The following PIAS4 variants were observed in gnomAD, a reference collection of about 807,000 sequenced individuals.
PIAS4 encodes the protein E3 SUMO-protein ligase PIAS4.
Under a neutral mutation model 58.0 loss-of-function variants are expected in PIAS4, and 7 were observed. That is an observed-to-expected ratio of 0.12 (90% confidence interval 0.07 to 0.23). The LOEUF (loss-of-function observed/expected upper bound fraction) is 0.23, where lower values mean the gene tolerates loss of function less well. PIAS4 is among the 10% of genes least tolerant of loss of function. The pLI is 1.00. For synonymous variants in PIAS4, 364 were observed against 312.4 expected (o/e 1.17, Z -1.74); for missense variants, 550 against 709.5 (o/e 0.78, Z 2.55).
rs746757730 is a variant in PIAS4 at position 4,028,639 on chromosome 19, G to A, written c.672+39G>A. 4 of 1,608,326 alleles carry A rather than the reference G, an allele frequency of 2.5e-6. No individual in the cohort carries two copies. The African/African-American group carries it at 5.3e-5, about 22-fold the overall frequency. On this transcript the variant is annotated intron_variant, in intron 5 of 10. Coordinates refer to ENST00000262971, the MANE Select transcript of PIAS4 (RefSeq NM_015897.4). ...GCCCCCGCGTCGGCTGCACGGGTTTGGGGGGCGTGGAGGGAGGGTGGGGGC... is the reference window on the plus strand; with the variant it reads ...GCCCCCGCGTCGGCTGCACGGGTTTAGGGGGCGTGGAGGGAGGGTGGGGGC...
intron 3 of PIAS4, among the ~76,000 whole-genome samples, chr19:4,026,546 G>A (rs1036530760): frequency 7.1e-6 from 1 of 140,930 alleles, no homozygotes; most frequent in Non-Finnish European, 1.5e-5. Flanking sequence ...TCCCACCACT[G>A]CCTAGTCTCA....
At chr19:4,026,767 C>G (rs1267061472) in intron 3 of PIAS4, among the ~76,000 whole-genome samples, 1 of 152,166 alleles carries the variant, frequency 6.6e-6, no homozygotes, top group Non-Finnish European at 1.5e-5. Flanking sequence ...ACTGCAATCT[C>G]CGCCTCCCAG....
intron 7 of PIAS4, among the ~76,000 whole-genome samples, chr19:4,030,310 G>A (rs1040532316): frequency 3.5e-5 from 5 of 143,798 alleles, no homozygotes; most frequent in South Asian, 2.3e-4. Flanking sequence ...TAAGTGACAC[G>A]CAGAGCAATT....
chr19:4,024,032 T>TA lies in PIAS4; in HGVS notation c.455-4_455-3insA. 1 of 1,611,094 alleles carries TA rather than the reference T, an allele frequency of 6.2e-7. No individual in the cohort carries two copies. The highest frequency in any genetic ancestry group is 1.1e-5 in the South Asian group (1 of 91,036). ...CATGCCCCTGACCCCGTGTTTGTCT[T>TA]CAGTCCCACAGAACAACGAGAAGCT... is the stretch of plus-strand genomic sequence containing the variant. On this transcript the variant is annotated splice_polypyrimidine_tract_variant and splice_region_variant and intron_variant, in intron 2 of 10. Coordinates refer to ENST00000262971, the MANE Select transcript of PIAS4 (RefSeq NM_015897.4).
chr19:4,029,435 G>A (rs964226046), intron 7 of PIAS4, among the ~76,000 whole-genome samples: 3 of 152,210 alleles, frequency 2.0e-5, no homozygotes, highest in South Asian at 2.1e-4. Flanking sequence ...AGGGTGCTGC[G>A]GGACCTGGCG....
chr19:4,026,573 C>CCCA (rs1568217381), intron 3 of PIAS4, among the ~76,000 whole-genome samples: 10 of 151,674 alleles, frequency 6.6e-5, no homozygotes, highest in African/African-American at 9.7e-5. Context: ...TCATGTCCAT[C>CCCA]CCCAGCAGCT....
In PIAS4 at chr19:4,037,355, G is replaced by C. The variant is rs773266437; in HGVS notation, c.1143-19G>C. On this transcript the variant is annotated intron_variant, in intron 9 of 10. Transcript: ENST00000262971. The surrounding 1 kb of genome is among the most constrained non-coding windows in gnomAD (Gnocchi z 5.8). ...TGGGGCACCTCCAGCCCCGGCGTCA[G>C]CTGTCCGCCTCGCCCCAGGCTCCTC... 37 of 1,592,682 alleles carry C rather than the reference G, an allele frequency of 2.3e-5. No individual in the cohort carries two copies. The highest frequency in any genetic ancestry group is 1.0e-4 in the South Asian group (9 of 89,982).
At chr19:4,014,311 G>T (rs951094320) in intron 2 of PIAS4, among the ~76,000 whole-genome samples, 1 of 152,264 alleles carries the variant, frequency 6.6e-6, no homozygotes, top group East Asian at 1.9e-4. Flanking sequence ...CCCAGCAGCC[G>T]TGGCCATTCA....
chr19:4,036,704 T>G (rs1457827549), intron 9 of PIAS4, among the ~76,000 whole-genome samples: 1 of 133,818 alleles, frequency 7.5e-6, no homozygotes, highest in Non-Finnish European at 1.5e-5. Flanking sequence ...GTCCACACCA[T>G]CATACACACA....
chr19:4,035,574 C>T (rs533616528), intron 9 of PIAS4, among the ~76,000 whole-genome samples: 2 of 152,204 alleles, frequency 1.3e-5, no homozygotes, highest in Admixed American at 6.5e-5. Flanking sequence ...CTGGCATGGG[C>T]GTGGGGAGCC....
intron 1 of PIAS4, among the ~76,000 whole-genome samples, chr19:4,012,141 A>G (rs1024716206): frequency 1.3e-5 from 2 of 151,766 alleles, no homozygotes; most frequent in African/African-American, 4.9e-5. Context: ...CCCAGTGTCC[A>G]CAGGGCCAAG....
intron 9 of PIAS4, among the ~76,000 whole-genome samples, chr19:4,036,097 CAT>C (rs1409747362): frequency 1.2e-5 from 1 of 85,266 alleles, no homozygotes; most frequent in Non-Finnish European, 2.5e-5. Flanking sequence ...TCCACACCGT[CAT>C]ACAAACACAC....
chr19:4,037,368 C>T lies in PIAS4; in HGVS notation c.1143-6C>T, dbSNP rs763924514. 33 of 1,601,010 alleles carry T rather than the reference C, an allele frequency of 2.1e-5. No individual in the cohort carries two copies. The highest frequency in any genetic ancestry group is 3.3e-5 in the South Asian group (3 of 90,684). On this transcript the variant is annotated splice_polypyrimidine_tract_variant and splice_region_variant and intron_variant, in intron 9 of 10. Transcript: ENST00000262971. This position sits in a 1 kb window ranked among gnomAD's most constrained non-coding sequence, Gnocchi z 5.8. ...GCCCCGGCGTCAGCTGTCCGCCTCG[C>T]CCCAGGCTCCTCTCGAAGATCCTGA...
chr19:4,037,348 G>C lies in PIAS4; in HGVS notation c.1143-26G>C, dbSNP rs376284633. ...GGGGGGGTGGGGCACCTCCAGCCCC[G>C]GCGTCAGCTGTCCGCCTCGCCCCAG... On this transcript the variant is annotated intron_variant, in intron 9 of 10. Coordinates refer to ENST00000262971, the MANE Select transcript of PIAS4 (RefSeq NM_015897.4). The surrounding 1 kb of genome is among the most constrained non-coding windows in gnomAD (Gnocchi z 5.8). The C allele has an allele frequency of 6.3e-7, 1 of 1,586,636 alleles. No homozygotes were observed. Among genetic ancestry groups the C allele is most frequent in the Non-Finnish European group, 8.6e-7 (1 of 1,163,988 alleles).
intron 3 of PIAS4, 86 bp from the exon 4 acceptor site, chr19:4,028,060 G>A (rs556711233): frequency 7.5e-5 from 94 of 1,253,702 alleles, no homozygotes; most frequent in East Asian, 2.8e-4. Context: ...GTGGTGTGGC[G>A]GTCTCCACCT....
intron 2 of PIAS4, among the ~76,000 whole-genome samples, chr19:4,015,505 C>T (rs1032708485): frequency 6.6e-6 from 1 of 152,204 alleles, no homozygotes; most frequent in Non-Finnish European, 1.5e-5. Flanking sequence ...CATCTCAGGC[C>T]GCCAGGTGAA....
At chr19:4,019,423 C>T (rs980255701) in intron 2 of PIAS4, among the ~76,000 whole-genome samples, 2 of 152,210 alleles carry the variant, frequency 1.3e-5, no homozygotes, top group African/African-American at 4.8e-5. Context: ...CTGTCTGCCC[C>T]AGGCATGGGC....
chr19:4,028,230 CCA>C, intron 4 of PIAS4, 43 bp downstream of exon 4: 1 of 1,492,558 alleles, frequency 6.7e-7, no homozygotes, highest in Non-Finnish European at 9.2e-7. Context: ...GGACCCCCAG[CCA>C]CCCGCCCCTC....
At position 4,007,796 on chromosome 19, in the gene PIAS4, G is replaced by A. The variant is rs748718639; in HGVS notation, c.27+9G>A. ...AGCTGGTGGAGGCCAAAGTGAGTGA[G>A]CGGTGGCGGCGCCGGCCGGGGCAAG... On this transcript the variant is annotated intron_variant, in intron 1 of 10. Coordinates refer to ENST00000262971, the MANE Select transcript of PIAS4 (RefSeq NM_015897.4). 161 of 1,212,290 alleles carry A rather than the reference G, an allele frequency of 1.3e-4. No homozygotes were observed. Among genetic ancestry groups the A allele is most frequent in the Non-Finnish European group, 1.6e-4 (155 of 969,888 alleles). 75.1% of individuals were successfully genotyped at this position (1,212,290 alleles called of 1,614,324 possible). A position where few individuals can be genotyped will look rare whatever the true frequency, so the allele number is the denominator to read the frequency against.
Sources: allele counts gnomAD v4.1 joint callset (sites outside exome capture counted in the v4.1 genomes callset), GRCh38; gene constraint gnomAD v4.1.1; non-coding constraint Gnocchi (gnomAD v3.1); transcripts MANE v1.5; gene names NCBI Gene and HGNC (gene_info 2026-07-23, HGNC 2026-07-21).